Variants in LIMCH1 observed in about 807,000 individuals in gnomAD.
LIMCH1 encodes the protein LIM and calponin homology domains 1, also known as LIM and calponin homology domains-containing protein 1.
Under a neutral mutation model 176.5 loss-of-function variants are expected in LIMCH1, and 113 were observed. The ratio of observed to expected loss-of-function variants is 0.64; its 90% CI spans 0.55 to 0.75. The LOEUF (loss-of-function observed/expected upper bound fraction) is 0.75, where lower values mean the gene tolerates loss of function less well. LIMCH1 is among the 30% of genes least tolerant of loss of function. LIMCH1 has a pLI of 0.00. For missense variants in LIMCH1, 1,674 were observed against 1,814.9 expected, an observed-to-expected ratio of 0.92 and a Z score of 1.41; for synonymous variants, 619 against 645.9, an observed-to-expected ratio of 0.96 and a Z score of 0.63.
chr4:41,600,301 A>G (rs1015147094), intron 2 of LIMCH1, among the ~76,000 whole-genome samples: 4 of 152,178 alleles, frequency 2.6e-5, no homozygotes, highest in African/African-American at 4.8e-5. Context: ...ACTTAAATCT[A>G]TCCTCTATAA....
rs1408116210 is a variant in LIMCH1, at chr4:41,697,238, C to T, written c.*53C>T. The T allele has an allele frequency of 7.1e-6, 11 of 1,548,242 alleles. No homozygotes were observed. In the Admixed American group the frequency reaches 8.4e-5, roughly 12 times the overall value. ...ACCATTTCTTTACTGAGAGTGTCCC[C>T]TGGCAACTGCTTAACAAAATCCCAA... On this transcript the variant is annotated 3_prime_UTR_variant, in exon 32 of 32. Transcript: ENST00000503057.
intron 18 of LIMCH1, among the ~76,000 whole-genome samples, 183 bp downstream of exon 18, chr4:41,650,791 G>A (rs1412588534): frequency 6.6e-6 from 1 of 152,150 alleles, no homozygotes; most frequent in East Asian, 1.9e-4. Context: ...TCACAGTCCT[G>A]GTAGCTAGAA....
At chr4:41,447,576 G>A (rs758667104) in intron 1 of LIMCH1, among the ~76,000 whole-genome samples, 6 of 152,168 alleles carry the variant, frequency 3.9e-5, no homozygotes, top group Non-Finnish European at 8.8e-5. Context: ...TCGTAATACA[G>A]AACATATGTT....
In LIMCH1 at chr4:41,613,776, G is replaced by A. The variant is rs193241027; in HGVS notation, c.205+115G>A. The stretch of plus-strand genomic sequence containing the variant: ...AGCAGGCTCCATATCCACCTTGCCG[G>A]AACTTAGTAATTCTATAAACTGGCA... On this transcript the variant is annotated intron_variant, in intron 5 of 31. Transcript: ENST00000503057. 3 of 822,372 alleles carry A rather than the reference G, an allele frequency of 3.6e-6. No homozygotes were observed. The South Asian group carries it at 5.3e-5, about 14-fold the overall frequency. 50.9% of individuals were successfully genotyped at this position (822,372 alleles called of 1,614,324 possible). A position where few individuals can be genotyped will look rare whatever the true frequency, so the allele number is the denominator to read the frequency against.
chr4:41,360,769 A>G, upstream of LIMCH1: 1 of 1,179,936 alleles, frequency 8.5e-7, no homozygotes, highest in Non-Finnish European at 1.2e-6. The surrounding 1 kb of genome is among the most constrained non-coding windows in gnomAD (Gnocchi z 4.5). Flanking sequence ...AGGGGCGGGG[A>G]GCGCGCTCCT....
intron 30 of LIMCH1, among the ~76,000 whole-genome samples, chr4:41,690,086 AATGAAT>A (rs1472251699): frequency 6.6e-6 from 1 of 152,202 alleles, no homozygotes; most frequent in Non-Finnish European, 1.5e-5. Context: ...TAGGTCTCAG[AATGAAT>A]ATGTCTGTAA....
chr4:41,463,780 T>C (rs1417115538), intron 1 of LIMCH1, among the ~76,000 whole-genome samples: 2 of 152,014 alleles, frequency 1.3e-5, no homozygotes, highest in East Asian at 1.9e-4. Context: ...GGTTTCACCA[T>C]GTTGGCCAGG....
chr4:41,613,155 C>A, intron 4 of LIMCH1: 1 of 1,393,548 alleles, frequency 7.2e-7, no homozygotes, highest in Non-Finnish European at 9.9e-7. Context: ...GTTGTGAATC[C>A]AAACTTTGTG....
intron 1 of LIMCH1, among the ~76,000 whole-genome samples, chr4:41,424,771 T>A (rs998810186): frequency 6.6e-6 from 1 of 152,206 alleles, no homozygotes; most frequent in African/African-American, 2.4e-5. Flanking sequence ...ATTTCCTGCT[T>A]ATGTTGCTGT....
chr4:41,430,965 C>CA (rs1360726651), intron 1 of LIMCH1, among the ~76,000 whole-genome samples: 3 of 152,074 alleles, frequency 2.0e-5, no homozygotes, highest in Non-Finnish European at 4.4e-5. Flanking sequence ...GAAAGTGTAG[C>CA]AATTCTGCAC....
intron 1 of LIMCH1, among the ~76,000 whole-genome samples, chr4:41,366,021 C>T (rs1212467694): frequency 6.6e-6 from 1 of 152,144 alleles, no homozygotes; most frequent in East Asian, 1.9e-4. Context: ...AGACAGTTGG[C>T]CTTGATTCTG....
At position 41,697,109 on chromosome 4, in the gene LIMCH1, C is replaced by G. The variant is rs143424485; in HGVS notation, c.4379-51C>G. 1,926 of 1,603,028 alleles carry G rather than the reference C, an allele frequency of 1.2e-3. 4 individuals carry two copies. The highest frequency in any genetic ancestry group is 1.6e-3 in the Non-Finnish European group (1,815 of 1,170,650). On this transcript the variant is annotated intron_variant, in intron 31 of 31. Coordinates refer to ENST00000503057, the MANE Select transcript of LIMCH1 (RefSeq NM_001330672.2). ...TAGGGAGGTTTTAAAATGTCTGAAG[C>G]GAGAAATGTTGCCTACCACTCTTGT... is the stretch of plus-strand genomic sequence containing the variant.
In LIMCH1 at chr4:41,644,772, C is replaced by G. The variant is rs750292888; in HGVS notation, c.2253+146C>G. The stretch of plus-strand genomic sequence containing the variant: ...AAGGTGACACGGTAAATGTGGGACT[C>G]AAAGGAAGGTGAGTAGCAGCGTGAA... On this transcript the variant is annotated intron_variant, in intron 15 of 31. Coordinates refer to ENST00000503057, the MANE Select transcript of LIMCH1 (RefSeq NM_001330672.2). 5.4e-4 allele frequency: 529 copies of G among 982,604 alleles called. 1 individual carries two copies. Among genetic ancestry groups the G allele is most frequent in the Non-Finnish European group, 7.2e-4 (499 of 690,088 alleles). 60.9% of individuals were successfully genotyped at this position (982,604 alleles called of 1,614,324 possible).
chr4:41,531,551 C>G (rs2077317394), intron 3 of LIMCH1, among the ~76,000 whole-genome samples: 1 of 150,564 alleles, frequency 6.6e-6, no homozygotes, highest in African/African-American at 2.4e-5. Context: ...TCCCAAACCT[C>G]TCTATGCCCA....
chr4:41,557,804 C>G (rs899403522), intron 1 of LIMCH1, among the ~76,000 whole-genome samples: 8 of 152,136 alleles, frequency 5.3e-5, no homozygotes, highest in African/African-American at 2.4e-5. Context: ...AAACTACACT[C>G]TAGTGAAGGT....
At chr4:41,371,528 T>C (rs1187627386) in intron 1 of LIMCH1, among the ~76,000 whole-genome samples, 1 of 152,142 alleles carries the variant, frequency 6.6e-6, no homozygotes, top group Non-Finnish European at 1.5e-5. Flanking sequence ...CAGACTGGAA[T>C]GATTATAAAC....
At chr4:41,422,564 C>T (rs1431940815) in intron 1 of LIMCH1, among the ~76,000 whole-genome samples, 1 of 152,020 alleles carries the variant, frequency 6.6e-6, no homozygotes, top group Non-Finnish European at 1.5e-5. Context: ...TTTACTTCAG[C>T]CTCAATTTAG....
intron 14 of LIMCH1, 44 bp from the exon 15 acceptor site, chr4:41,644,456 G>A (rs1585247324): frequency 2.1e-6 from 3 of 1,446,762 alleles, no homozygotes; most frequent in Non-Finnish European, 2.7e-6. Flanking sequence ...GACGCGACGG[G>A]CGCTGATCGC....
chr4:41,662,472 T>C (rs1309115321), intron 19 of LIMCH1, among the ~76,000 whole-genome samples: 2 of 152,236 alleles, frequency 1.3e-5, no homozygotes, highest in Non-Finnish European at 2.9e-5. Flanking sequence ...AAACTACCTG[T>C]AGATGTTCTC....
Sources: gnomAD v4.1 joint callset for allele counts (sites outside exome capture counted in the v4.1 genomes callset) on GRCh38, gnomAD v4.1.1 for gene constraint, Gnocchi (gnomAD v3.1) non-coding constraint, MANE v1.5 for transcripts, NCBI Gene and HGNC (gene_info 2026-07-23, HGNC 2026-07-21) for gene names.